RIMBP2: variants seen among roughly 807,000 people sequenced by gnomAD.
RIMBP2 encodes RIMS binding protein 2, also known as RIMS-binding protein 2.
A neutral mutation model predicts 118.6 loss-of-function variants in RIMBP2; 48 were observed. That is an observed-to-expected ratio of 0.40 (90% CI 0.32 to 0.51). The LOEUF is 0.51. Among genes scored for constraint, RIMBP2 ranks in the 20% least tolerant of loss-of-function variants. RIMBP2 has a pLI of 0.41. For missense variants in RIMBP2, 1,551 were observed against 1,768.3 expected, an observed-to-expected ratio of 0.88 and a Z score of 2.20; for synonymous variants, 762 against 742.9, an observed-to-expected ratio of 1.03 and a Z score of -0.42.
chr12:130,418,641 G>T lies in RIMBP2; in HGVS notation c.3238+3812C>A, dbSNP rs940009198. On this transcript the variant is annotated intron_variant, in intron 17 of 22. Transcript: ENST00000690449. ...CTTCCCAGCTGAGTTTATGTGGCAA[G>T]TTTGTGGCATCAAAACGTGCAGAGG... Among the ~76,000 whole-genome samples the T allele has an allele frequency of 2.6e-5, 4 of 152,208 alleles. No individual in the cohort carries two copies. The East Asian group carries it at 5.8e-4, about 22-fold the overall frequency.
chr12:130,402,181 C>T (rs1213531459), intron 21 of RIMBP2, among the ~76,000 whole-genome samples: 1 of 152,128 alleles, frequency 6.6e-6, no homozygotes, highest in Non-Finnish European at 1.5e-5. Flanking sequence ...GGGACTTGCT[C>T]GCGGTGTGAA....
chr12:130,543,464 T>C (rs1297207733), intron 2 of RIMBP2, among the ~76,000 whole-genome samples: 1 of 152,132 alleles, frequency 6.6e-6, no homozygotes, highest in Non-Finnish European at 1.5e-5. Context: ...ACCAACCGTA[T>C]TGCTGCAGAA....
intron 22 of RIMBP2, 122 bp downstream of exon 22, chr12:130,399,553 GAAAA>G: frequency 8.9e-7 from 1 of 1,120,046 alleles, no homozygotes. Context: ...TCAGGGCAGA[GAAAA>G]AAAATTCAGG....
chr12:130,675,153 G>A (rs190608858), intron 1 of RIMBP2, among the ~76,000 whole-genome samples: 37 of 152,318 alleles, frequency 2.4e-4, no homozygotes, highest in African/African-American at 7.7e-4. Flanking sequence ...CCTGTTGGCC[G>A]CCAGATAGTG....
intron 19 of RIMBP2, among the ~76,000 whole-genome samples, chr12:130,408,221 C>A (rs376485721): frequency 5.3e-5 from 8 of 152,278 alleles, no homozygotes; most frequent in African/African-American, 1.9e-4. Context: ...TCTGGGAAGG[C>A]CCCATAGACA....
At chr12:130,656,764 C>T (rs1252215996) in intron 1 of RIMBP2, among the ~76,000 whole-genome samples, 1 of 152,146 alleles carries the variant, frequency 6.6e-6, no homozygotes, top group Non-Finnish European at 1.5e-5. Context: ...ATCTCATTAG[C>T]CGGGTGTGGT....
intron 19 of RIMBP2, among the ~76,000 whole-genome samples, chr12:130,409,079 GA>G (rs777247972): frequency 1.1e-4 from 16 of 152,154 alleles, no homozygotes; most frequent in Non-Finnish European, 1.9e-4. Flanking sequence ...TATGACTTTT[GA>G]AAGGTGGCAT....
At chr12:130,588,300 T>A (rs561983686) in intron 2 of RIMBP2, among the ~76,000 whole-genome samples, 1 of 152,310 alleles carries the variant, frequency 6.6e-6, no homozygotes, top group East Asian at 1.9e-4. Flanking sequence ...CATATCCACA[T>A]CCGGTCTGTT....
chr12:130,549,439 C>T (rs376538841), intron 2 of RIMBP2, among the ~76,000 whole-genome samples: 2 of 152,156 alleles, frequency 1.3e-5, no homozygotes, highest in African/African-American at 4.8e-5. Context: ...ATCACAGGGG[C>T]TTGTCGTACA....
At chr12:130,608,338 T>G (rs1397208299) in intron 2 of RIMBP2, among the ~76,000 whole-genome samples, 1 of 152,258 alleles carries the variant, frequency 6.6e-6, no homozygotes, top group African/African-American at 2.4e-5. Context: ...CAGACAGCAT[T>G]TCCTATGCAC....
At chr12:130,642,283 T>C (rs185759612) in intron 1 of RIMBP2, among the ~76,000 whole-genome samples, 729 of 49,714 alleles carry the variant, frequency 0.015, 5 homozygotes, top group African/African-American at 0.031. Context: ...TTTAGTTTTG[T>C]TTTGTTTTGT....
At chr12:130,554,563 CAG>C (rs35294980) in intron 2 of RIMBP2, among the ~76,000 whole-genome samples, 15,782 of 152,230 alleles carry the variant, frequency 0.1, 900 homozygotes, top group East Asian at 0.2. Context: ...CTAAAAACAA[CAG>C]AAGTTGTCAG....
chr12:130,649,752 C>T (rs762637460), intron 1 of RIMBP2, among the ~76,000 whole-genome samples: 20 of 152,078 alleles, frequency 1.3e-4, no homozygotes, highest in Non-Finnish European at 2.6e-4. Flanking sequence ...GTCTCCCTGC[C>T]CCCTGCTCAC....
At chr12:130,520,518 A>AC (rs1304906185) in intron 2 of RIMBP2, among the ~76,000 whole-genome samples, 90 of 151,836 alleles carry the variant, frequency 5.9e-4, no homozygotes, top group African/African-American at 2.1e-3. Context: ...ACACACACAC[A>AC]AAAATTAGCC....
intron 1 of RIMBP2, among the ~76,000 whole-genome samples, chr12:130,677,398 C>T (rs2064541898): frequency 6.6e-6 from 1 of 152,124 alleles, no homozygotes; most frequent in Non-Finnish European, 1.5e-5. Flanking sequence ...AAGGCCAAGG[C>T]AGGCAGATCA....
intron 2 of RIMBP2, among the ~76,000 whole-genome samples, chr12:130,628,099 C>T (rs2061758542): frequency 6.6e-6 from 1 of 152,190 alleles, no homozygotes; most frequent in South Asian, 2.1e-4. Flanking sequence ...CAAGTTCTTT[C>T]TTGCCTCAGG....
At chr12:130,436,290 A>T (rs1242187882) in intron 13 of RIMBP2, among the ~76,000 whole-genome samples, 1 of 152,206 alleles carries the variant, frequency 6.6e-6, no homozygotes, top group Non-Finnish European at 1.5e-5. Flanking sequence ...CAGGCATGCA[A>T]ATATGTATGC....
At chr12:130,652,272 CT>C (rs1269687482) in intron 1 of RIMBP2, among the ~76,000 whole-genome samples, 2 of 152,244 alleles carry the variant, frequency 1.3e-5, no homozygotes, top group Non-Finnish European at 2.9e-5. Flanking sequence ...AGCCACACCA[CT>C]TGTTTACATA....
chr12:130,451,433 T>A (rs765291808), intron 7 of RIMBP2, 93 bp from the exon 8 acceptor site: 32 of 1,333,854 alleles, frequency 2.4e-5, no homozygotes, highest in Non-Finnish European at 3.1e-5. Flanking sequence ...GCCTTTCCCC[T>A]CTTTGACAAC....
Sources: allele counts gnomAD v4.1 joint callset (sites outside exome capture counted in the v4.1 genomes callset), GRCh38; gene constraint gnomAD v4.1.1; transcripts MANE v1.5; gene names NCBI Gene and HGNC (gene_info 2026-07-23, HGNC 2026-07-21).